The following STAB2 variants were observed in gnomAD, a reference collection of about 807,000 sequenced individuals.
STAB2 encodes stabilin-2.
STAB2 carries 288 observed loss-of-function variants against 338.1 expected under a neutral mutation model. That is an observed-to-expected ratio of 0.85 (90% confidence interval 0.77 to 0.94). The LOEUF (loss-of-function observed/expected upper bound fraction) is 0.94. Among genes scored for constraint, STAB2 ranks in the 40% least tolerant of loss-of-function variants. The pLI is 0.00. For missense variants in STAB2, 3,141 were observed against 3,210.1 expected, an observed-to-expected ratio of 0.98 and a Z score of 0.52; for synonymous variants, 1,202 against 1,193.3, an observed-to-expected ratio of 1.01 and a Z score of -0.15.
chr12:103,745,111 C>CAGGG lies in STAB2; in HGVS notation c.6032-59_6032-56dup, dbSNP rs376407270. ...TGAAAATGCATAGCAAACAAGGGGT[C>CAGGG]AGGGAGCTGGTTGATTGGGTCTCAA... On this transcript the variant is annotated intron_variant, in intron 56 of 68. Transcript: ENST00000388887. 530 of 1,447,062 alleles carry CAGGG rather than the reference C, an allele frequency of 3.7e-4. No homozygotes were observed. The African/African-American group carries it at 6.0e-3, about 16-fold the overall frequency. 89.6% of individuals were successfully genotyped at this position (1,447,062 alleles called of 1,614,324 possible).
chr12:103,665,115 A>G lies in STAB2; in HGVS notation c.2023-1176A>G, dbSNP rs138219864. ...CCTTAGAATGAACTCTTCCTTTACTAGTTTCTCTAGGTTTAAAGTCAAATC... is the reference window on the plus strand; with the variant it reads ...CCTTAGAATGAACTCTTCCTTTACTGGTTTCTCTAGGTTTAAAGTCAAATC... On this transcript the variant is annotated intron_variant, in intron 18 of 68. Coordinates refer to ENST00000388887, the MANE Select transcript of STAB2 (RefSeq NM_017564.10). 3.2e-3 allele frequency among the ~76,000 whole-genome samples: 485 copies of G among 152,302 alleles called. 2 individuals are homozygous for G. Among genetic ancestry groups the G allele is most frequent in the African/African-American group, 0.011 (464 of 41,562 alleles).
In STAB2 at chr12:103,648,973, A is replaced by G. The variant is rs1389950770; in HGVS notation, c.1174+150A>G. 4.7e-6 allele frequency: 5 copies of G among 1,057,802 alleles called. No homozygotes were observed. In the African/African-American group the frequency reaches 6.4e-5, roughly 14 times the overall value. The allele number at this position is 1,057,802 out of a possible 1,614,324, so 65.5% of individuals were successfully genotyped here. On this transcript the variant is annotated intron_variant, in intron 10 of 68. Transcript: ENST00000388887. ...GTCATGCAGGTGAGAGGGAAAGGGCAGGCAGCTGTTTCAAAGAAGACAAGC... is the reference window on the plus strand; with the variant it reads ...GTCATGCAGGTGAGAGGGAAAGGGCGGGCAGCTGTTTCAAAGAAGACAAGC...
At chr12:103,646,764 G>C (rs756274386) in intron 9 of STAB2, among the ~76,000 whole-genome samples, 26 of 152,184 alleles carry the variant, frequency 1.7e-4, no homozygotes, top group Admixed American at 3.3e-4. Context: ...TGCCCTAAGT[G>C]CTAGGATATA....
intron 3 of STAB2, among the ~76,000 whole-genome samples, chr12:103,597,343 G>C (rs1168116969): frequency 6.6e-6 from 1 of 152,176 alleles, no homozygotes. Flanking sequence ...CTCCAGAATG[G>C]CCTTGTTTCC....
chr12:103,707,765 C>A (rs914068798), intron 38 of STAB2, among the ~76,000 whole-genome samples: 1 of 152,176 alleles, frequency 6.6e-6, no homozygotes, highest in Non-Finnish European at 1.5e-5. Flanking sequence ...TTCTCCTCAG[C>A]TGGTCTAAGC....
chr12:103,587,506 T>C lies in STAB2; in HGVS notation c.30T>C (p.Cys10=). The change falls in exon 1 of 69, where the codon TGT becomes TGC. Residue 10 remains cysteine (C), a synonymous_variant. Transcript: ENST00000388887. The part of the protein sequence containing the change: MMLQHLVIF[C]LGLVVQNFCS... ...TGCTACAACATTTAGTAATTTTTTG[T>C]CTTGGATTGGTTGTACAAAATTTCT... The C allele has an allele frequency of 6.2e-7, 1 of 1,614,078 alleles. No individual in the cohort carries two copies. The highest frequency in any genetic ancestry group is 1.1e-5 in the South Asian group (1 of 91,054).
At chr12:103,598,932 A>C (rs968161506) in intron 3 of STAB2, among the ~76,000 whole-genome samples, 1 of 152,206 alleles carries the variant, frequency 6.6e-6, no homozygotes, top group Admixed American at 6.5e-5. Context: ...GGAGCAGAGG[A>C]GTAAAAACAA....
intron 30 of STAB2, among the ~76,000 whole-genome samples, chr12:103,691,359 C>A (rs7138211): frequency 6.6e-6 from 1 of 152,162 alleles, no homozygotes; most frequent in African/African-American, 2.4e-5. Context: ...AAGATCTATG[C>A]GTAGTAATAC....
chr12:103,685,322 C>T (rs1877297262), intron 27 of STAB2, among the ~76,000 whole-genome samples: 1 of 152,142 alleles, frequency 6.6e-6, no homozygotes, highest in African/African-American at 2.4e-5. Flanking sequence ...TTTCTTGATA[C>T]TCTACCTGTT....
chr12:103,651,528 G>T (rs1167349356), intron 11 of STAB2, among the ~76,000 whole-genome samples: 1 of 151,982 alleles, frequency 6.6e-6, no homozygotes, highest in Non-Finnish European at 1.5e-5. Context: ...TGACCAGGAT[G>T]GTCTCCATCT....
intron 12 of STAB2, 85 bp downstream of exon 12, chr12:103,652,790 G>A: frequency 7.1e-7 from 1 of 1,401,790 alleles, no homozygotes; most frequent in Non-Finnish European, 9.4e-7. Flanking sequence ...TTTGTTTGGG[G>A]TTTGTGAAAA....
intron 3 of STAB2, among the ~76,000 whole-genome samples, chr12:103,599,104 A>G (rs749124527): frequency 6.6e-6 from 1 of 152,156 alleles, no homozygotes; most frequent in Non-Finnish European, 1.5e-5. Flanking sequence ...TTTCCAAAAT[A>G]CCTGGAATAT....
chr12:103,758,379 T>C (rs1884291528), intron 64 of STAB2, 90 bp downstream of exon 64: 1 of 1,576,984 alleles, frequency 6.3e-7, no homozygotes, highest in Non-Finnish European at 8.6e-7. Flanking sequence ...GAAAACTCAG[T>C]GGCTACACAT....
chr12:103,619,259 G>A (rs545991354), intron 3 of STAB2, among the ~76,000 whole-genome samples: 2 of 152,170 alleles, frequency 1.3e-5, no homozygotes, highest in Non-Finnish European at 2.9e-5. Context: ...CACATTTCAT[G>A]GTCATTGCAT....
At chr12:103,633,405 G>A (rs530889558) in intron 6 of STAB2, among the ~76,000 whole-genome samples, 5 of 152,272 alleles carry the variant, frequency 3.3e-5, no homozygotes, top group South Asian at 2.1e-4. Context: ...AAAACAGGCC[G>A]GGCCTGGTGG....
rs759276482 is a variant in STAB2 at position 103,660,318 on chromosome 12, G to C, written c.1735-13G>C. 1 of 1,613,864 alleles carries C rather than the reference G, an allele frequency of 6.2e-7. No homozygotes were observed. Among genetic ancestry groups the C allele is most frequent in the Non-Finnish European group, 8.5e-7 (1 of 1,179,794 alleles). On this transcript the variant is annotated splice_polypyrimidine_tract_variant and intron_variant, in intron 15 of 68. Coordinates refer to ENST00000388887, the MANE Select transcript of STAB2 (RefSeq NM_017564.10). ...TTCTTCTTTGACTAAAGAAGTATTT[G>C]GTTCCTTTGCAGGGATCTCGGAAGC...
intron 6 of STAB2, among the ~76,000 whole-genome samples, chr12:103,633,703 G>T (rs1957501085): frequency 6.6e-6 from 1 of 152,160 alleles, no homozygotes; most frequent in South Asian, 2.1e-4. Context: ...ATGAAAACCA[G>T]CAATAAACAT....
At chr12:103,655,045 C>T (rs779427883) in intron 13 of STAB2, among the ~76,000 whole-genome samples, 1 of 152,148 alleles carries the variant, frequency 6.6e-6, no homozygotes, top group Non-Finnish European at 1.5e-5. Context: ...ATGATGAGGG[C>T]CAAAGGATAC....
At chr12:103,667,405 A>G (rs1387882027) in intron 19 of STAB2, among the ~76,000 whole-genome samples, 1 of 152,186 alleles carries the variant, frequency 6.6e-6, no homozygotes, top group Non-Finnish European at 1.5e-5. Context: ...ACCATAACCA[A>G]TGTATGATTA....
Sources: allele counts gnomAD v4.1 joint callset (sites outside exome capture counted in the v4.1 genomes callset), GRCh38; gene constraint gnomAD v4.1.1; transcripts MANE v1.5; gene names NCBI Gene and HGNC (gene_info 2026-07-23, HGNC 2026-07-21).